Variants in FCHO2 observed in about 807,000 individuals in gnomAD.
The protein encoded by FCHO2 is FCH and mu domain containing endocytic adaptor 2.
In FCHO2, 43 loss-of-function variants were observed where a neutral mutation model predicts 114.1. The ratio of observed to expected loss-of-function variants is 0.38; its 90% CI spans 0.30 to 0.49. The LOEUF (loss-of-function observed/expected upper bound fraction) is 0.49, where lower values mean the gene tolerates loss of function less well. Ranked by LOEUF, FCHO2 falls within the 20% of genes least tolerant of loss-of-function variation. FCHO2 has a pLI of 0.97. For synonymous variants in FCHO2, 293 were observed against 315.2 expected, an observed-to-expected ratio of 0.93 and a Z score of 0.75; for missense variants, 807 against 950.4, an observed-to-expected ratio of 0.85 and a Z score of 1.98.
At chr5:72,987,867 C>A (rs1230826019) in intron 2 of FCHO2, among the ~76,000 whole-genome samples, 1 of 152,046 alleles carries the variant, frequency 6.6e-6, no homozygotes, top group South Asian at 2.1e-4. Context: ...GGTTTTTGTG[C>A]AAATTTGGTT....
intron 11 of FCHO2, among the ~76,000 whole-genome samples, chr5:73,046,905 T>G (rs1012279294): frequency 5.3e-5 from 8 of 152,188 alleles, no homozygotes; most frequent in Admixed American, 2.0e-4. Flanking sequence ...CTGCCCTCAG[T>G]TCTCCCTAAC....
chr5:73,026,764 T>C (rs993684148), intron 8 of FCHO2, among the ~76,000 whole-genome samples: 1 of 152,116 alleles, frequency 6.6e-6, no homozygotes, highest in African/African-American at 2.4e-5. Context: ...GATCTCAGGC[T>C]CAGTGCAACC....
chr5:73,006,421 G>GTCCC, intron 5 of FCHO2, 24 bp from the exon 6 acceptor site: 1 of 1,414,110 alleles, frequency 7.1e-7, no homozygotes, highest in Non-Finnish European at 9.3e-7. Context: ...ACAGTTAAAA[G>GTCCC]TTTTTTATTT....
chr5:73,010,249 A>G (rs1754930991), intron 6 of FCHO2, among the ~76,000 whole-genome samples: 1 of 152,134 alleles, frequency 6.6e-6, no homozygotes, highest in Admixed American at 6.5e-5. Context: ...TAGAATTTAG[A>G]GTATTTGTGA....
intron 11 of FCHO2, among the ~76,000 whole-genome samples, chr5:73,042,314 A>G (rs1208630343): frequency 6.6e-6 from 1 of 152,166 alleles, no homozygotes; most frequent in East Asian, 1.9e-4. Context: ...GAAAAGCAGC[A>G]GATGTGTTTG....
chr5:73,078,094 T>G (rs1742975577), intron 21 of FCHO2, 86 bp from the exon 22 acceptor site: 2 of 1,079,146 alleles, frequency 1.9e-6, no homozygotes, highest in South Asian at 4.9e-5. Flanking sequence ...TTTCTACTAG[T>G]TTTTCCTGTG....
intron 21 of FCHO2, 85 bp downstream of exon 21, chr5:73,077,578 C>A (rs181985978): frequency 7.2e-6 from 10 of 1,396,012 alleles, no homozygotes; most frequent in Non-Finnish European, 8.5e-6. Context: ...GCCTGTAATC[C>A]CAGCAGTTTG....
At chr5:72,985,154 A>G (rs1753437200) in intron 2 of FCHO2, among the ~76,000 whole-genome samples, 1 of 151,668 alleles carries the variant, frequency 6.6e-6, no homozygotes, top group Non-Finnish European at 1.5e-5. Flanking sequence ...GCATGATCAA[A>G]TTCTATTCAG....
intron 13 of FCHO2, among the ~76,000 whole-genome samples, chr5:73,053,221 T>C (rs1757415372): frequency 6.6e-6 from 1 of 152,244 alleles, no homozygotes; most frequent in African/African-American, 2.4e-5. Flanking sequence ...TCTAATTACA[T>C]ATTTTATGTA....
chr5:73,086,017 G>T (rs1743298373), intron 24 of FCHO2, among the ~76,000 whole-genome samples: 1 of 151,760 alleles, frequency 6.6e-6, no homozygotes, highest in Non-Finnish European at 1.5e-5. Context: ...AGATACTCAG[G>T]AGGCTGAGGC....
chr5:73,068,600 C>G (rs199964319), intron 18 of FCHO2, 50 bp from the exon 19 acceptor site: 7 of 1,580,886 alleles, frequency 4.4e-6, no homozygotes, highest in Non-Finnish European at 6.0e-6. Flanking sequence ...TCTTCTCTAA[C>G]AAGAGAGGTA....
chr5:73,051,351 C>T lies in FCHO2; in HGVS notation c.942C>T (p.Asn314=). ...SVECPDADSL[N]IPDVDEEGYS... The stretch of plus-strand genomic sequence containing the variant: ...ATTTTTTTTTCTTTTTCCCTTAGAA[C>T]ATTCCTGATGTAGATGAAGAAGGCT... Residue 314 remains asparagine, a splice_region_variant and synonymous_variant, in exon 12 of 26, where the codon AAC becomes AAT. Coordinates refer to ENST00000430046, the MANE Select transcript of FCHO2 (RefSeq NM_138782.3). The T allele has an allele frequency of 6.6e-7, 1 of 1,524,902 alleles. No individual in the cohort carries two copies. The highest frequency in any genetic ancestry group is 8.9e-7 in the Non-Finnish European group (1 of 1,128,470). The allele number at this position is 1,524,902 out of a possible 1,614,324, so 94.5% of individuals were successfully genotyped here.
chr5:73,018,072 T>C (rs1267511095), intron 8 of FCHO2, among the ~76,000 whole-genome samples: 1 of 152,194 alleles, frequency 6.6e-6, no homozygotes, highest in African/African-American at 2.4e-5. Context: ...AAAAATAATT[T>C]AGTGCATTAA....
chr5:73,005,981 A>G (rs953639129), intron 5 of FCHO2, among the ~76,000 whole-genome samples: 4 of 152,168 alleles, frequency 2.6e-5, no homozygotes, highest in African/African-American at 9.6e-5. Flanking sequence ...TAGTTTATAG[A>G]TAGGTTTAAT....
At chr5:73,023,887 G>A (rs1755771938) in intron 8 of FCHO2, among the ~76,000 whole-genome samples, 1 of 152,022 alleles carries the variant, frequency 6.6e-6, no homozygotes. Context: ...TCATCATAAT[G>A]TCCTACTTGT....
chr5:72,997,139 C>T, intron 5 of FCHO2: 6 of 1,122,126 alleles, frequency 5.3e-6, no homozygotes, highest in Non-Finnish European at 8.2e-6. Flanking sequence ...TCACTCCCAC[C>T]ATGATGGGGT....
chr5:72,993,554 A>G (rs1356330032), intron 5 of FCHO2, among the ~76,000 whole-genome samples: 1 of 152,204 alleles, frequency 6.6e-6, no homozygotes, highest in Non-Finnish European at 1.5e-5. Context: ...ACCCCAGAGA[A>G]AAAGAAAATG....
At chr5:72,964,097 A>G in intron 1 of FCHO2, among the ~76,000 whole-genome samples, 1 of 152,122 alleles carries the variant, frequency 6.6e-6, no homozygotes, top group Non-Finnish European at 1.5e-5. Flanking sequence ...TTTCATTTAT[A>G]GAACATTACA....
At chr5:73,044,377 C>G (rs1355790351) in intron 11 of FCHO2, among the ~76,000 whole-genome samples, 4 of 152,148 alleles carry the variant, frequency 2.6e-5, no homozygotes, top group Non-Finnish European at 5.9e-5. Flanking sequence ...TAGCTGGGAA[C>G]ACAGGCATAT....
Sources: gnomAD v4.1 joint callset for allele counts (sites outside exome capture counted in the v4.1 genomes callset) on GRCh38, gnomAD v4.1.1 for gene constraint, MANE v1.5 for transcripts, NCBI Gene and HGNC (gene_info 2026-07-23, HGNC 2026-07-21) for gene names.